Variants in ZDHHC13 observed in about 807,000 individuals in gnomAD.
The protein encoded by ZDHHC13 is palmitoyltransferase ZDHHC13.
In ZDHHC13, 85 loss-of-function variants were observed where a neutral mutation model predicts 86.0. That is an observed-to-expected ratio of 0.99 (90% CI 0.83 to 1.18). The LOEUF is 1.18. Among genes scored for constraint, ZDHHC13 ranks in the 50% most tolerant of loss-of-function variants. The pLI is 0.00. For synonymous variants in ZDHHC13, 263 were observed against 246.4 expected (o/e 1.07, Z -0.63); for missense variants, 711 against 730.2 (o/e 0.97, Z 0.30).
At chr11:19,123,769 A>G (rs1023378371) in intron 1 of ZDHHC13, among the ~76,000 whole-genome samples, 3 of 151,964 alleles carry the variant, frequency 2.0e-5, no homozygotes, top group South Asian at 2.1e-4. Context: ...ATGGAGAGCC[A>G]GTATACCTAA....
In ZDHHC13 at chr11:19,149,316, C is replaced by T; in HGVS notation, c.504C>T (p.Leu168=). Residue 168 remains leucine (L), a synonymous_variant, in exon 5 of 17, where the codon CTC becomes CTT. Transcript: ENST00000446113. The stretch of plus-strand genomic sequence containing the variant: ...AACACATGCCTATTATAGCATATCT[C>T]ATCTCAAAGGGACAGGTATGTTCTG... ...LFQHMPIIAY[L]ISKGQSVNMT... 1 of 1,598,920 alleles carries T rather than the reference C, an allele frequency of 6.3e-7. No individual in the cohort carries two copies. Among genetic ancestry groups the T allele is most frequent in the Non-Finnish European group, 8.5e-7 (1 of 1,171,372 alleles).
chr11:19,162,501 C>A lies in ZDHHC13; in HGVS notation c.1109-802C>A, dbSNP rs533092605. 8.5e-5 allele frequency among the ~76,000 whole-genome samples: 13 copies of A among 152,112 alleles called. No homozygotes were observed. In the East Asian group the frequency reaches 2.5e-3, roughly 29 times the overall value. ...TAATCGCAGTTAAGACTTGGATACC[C>A]TAAAAGTGTGGTTTTAGAAGAAAAT... On this transcript the variant is annotated intron_variant, in intron 10 of 16. Coordinates refer to ENST00000446113, the MANE Select transcript of ZDHHC13 (RefSeq NM_019028.3).
At chr11:19,138,266 C>G (rs1175004208) in intron 1 of ZDHHC13, among the ~76,000 whole-genome samples, 2 of 151,974 alleles carry the variant, frequency 1.3e-5, no homozygotes, top group African/African-American at 4.8e-5. Context: ...AAACTACCAT[C>G]AGAGAATACT....
chr11:19,130,655 C>A (rs1018070382), intron 1 of ZDHHC13, among the ~76,000 whole-genome samples: 2 of 152,068 alleles, frequency 1.3e-5, no homozygotes, highest in Non-Finnish European at 2.9e-5. Context: ...TTACTGTAGG[C>A]CCCCTTTTTT....
At chr11:19,129,985 G>C (rs1429068876) in intron 1 of ZDHHC13, among the ~76,000 whole-genome samples, 1 of 152,144 alleles carries the variant, frequency 6.6e-6, no homozygotes, top group Non-Finnish European at 1.5e-5. Flanking sequence ...CTGCTCGGGA[G>C]GCTGAGGCAG....
intron 1 of ZDHHC13, among the ~76,000 whole-genome samples, chr11:19,123,642 A>G (rs1401492002): frequency 6.6e-6 from 1 of 152,100 alleles, no homozygotes; most frequent in African/African-American, 2.4e-5. Context: ...GTAATACCCC[A>G]TCTCAAAAAC....
At chr11:19,145,210 G>A (rs1409960198) in intron 2 of ZDHHC13, among the ~76,000 whole-genome samples, 2 of 151,832 alleles carry the variant, frequency 1.3e-5, no homozygotes, top group African/African-American at 2.4e-5. Context: ...TCTTTTTAAT[G>A]CTATACTATT....
intron 1 of ZDHHC13, among the ~76,000 whole-genome samples, chr11:19,132,439 T>C (rs563841498): frequency 6.6e-6 from 1 of 152,322 alleles, no homozygotes; most frequent in African/African-American, 2.4e-5. Flanking sequence ...ACGTATAAAC[T>C]CCAGTAATTG....
In ZDHHC13 at chr11:19,172,797, G is replaced by T; in HGVS notation, c.1707G>T (p.Leu569Phe). 1 of 1,604,768 alleles carries T rather than the reference G, an allele frequency of 6.2e-7. No individual in the cohort carries two copies. Among genetic ancestry groups the T allele is most frequent in the Non-Finnish European group, 8.5e-7 (1 of 1,175,686 alleles). ...AGAGCAAGCATATGAAACAGACGTT[G>T]TCCCTCAGGAAGACACCATACAAGT... The part of the protein sequence containing the change: ...QKQSKHMKQT[L>F]SLRKTPYNLG... Residue 569 changes from leucine (L) to phenylalanine (F), a missense_variant, in exon 16 of 17, where the codon TTG becomes TTT. By Grantham distance (22) the Leu-to-Phe change is conservative (BLOSUM62 0). Transcript: ENST00000446113.
rs376600384 is a variant in ZDHHC13, at chr11:19,131,717, A to G, written c.28-11261A>G. On this transcript the variant is annotated intron_variant, in intron 1 of 16. Transcript: ENST00000446113. The stretch of plus-strand genomic sequence containing the variant: ...AGTGGTGTGATCTTGGCTCACTGCA[A>G]CTGCCTCCCAGGTTCAAGTGATTCT... Among the ~76,000 whole-genome samples, 158 of 151,986 alleles carry G rather than the reference A, an allele frequency of 1.0e-3. 3 individuals are homozygous for G. The South Asian group carries it at 0.03, about 29-fold the overall frequency.
chr11:19,156,637 A>G (rs1270335737), intron 9 of ZDHHC13, among the ~76,000 whole-genome samples: 2 of 152,088 alleles, frequency 1.3e-5, no homozygotes, highest in Admixed American at 1.3e-4. Context: ...TCTCAGTCAA[A>G]TGGCATCCAG....
intron 14 of ZDHHC13, chr11:19,167,985 T>A (rs1447829100): frequency 6.6e-6 from 1 of 152,140 alleles, no homozygotes; most frequent in Non-Finnish European, 1.5e-5. Flanking sequence ...AGTTAATTTT[T>A]AAATTTTTTG....
Position 19,152,810 on chromosome 11 carries a change from C to G in ZDHHC13, c.873+126C>G, listed in dbSNP as rs1178217472. 2.1e-6 allele frequency: 3 copies of G among 1,424,958 alleles called. No homozygotes were observed. In the East Asian group the frequency reaches 7.1e-5, roughly 33 times the overall value. 88.3% of individuals were successfully genotyped at this position (1,424,958 alleles called of 1,614,324 possible). A position where few individuals can be genotyped will look rare whatever the true frequency, so the allele number is the denominator to read the frequency against. On this transcript the variant is annotated intron_variant, in intron 8 of 16. Coordinates refer to ENST00000446113, the MANE Select transcript of ZDHHC13 (RefSeq NM_019028.3). ...GCTGCATTATATCTGCTGACTATATCTTTCCCCCGCATCCTATTACCCAAA... is the reference window on the plus strand; with the variant it reads ...GCTGCATTATATCTGCTGACTATATGTTTCCCCCGCATCCTATTACCCAAA...
intron 15 of ZDHHC13, 82 bp downstream of exon 15, chr11:19,170,650 G>A: frequency 3.0e-6 from 4 of 1,321,924 alleles, no homozygotes; most frequent in Non-Finnish European, 4.1e-6. Context: ...AAAATCAGAA[G>A]ATGCACATTC....
intron 1 of ZDHHC13, among the ~76,000 whole-genome samples, chr11:19,125,692 C>G (rs575008820): frequency 6.6e-6 from 1 of 152,188 alleles, no homozygotes; most frequent in African/African-American, 2.4e-5. Context: ...AAACAACCCA[C>G]GCAGACTGTT....
intron 1 of ZDHHC13, among the ~76,000 whole-genome samples, chr11:19,130,308 A>G (rs1346774440): frequency 1.3e-5 from 2 of 152,156 alleles, no homozygotes; most frequent in African/African-American, 2.4e-5. Context: ...AGGTGTTTGT[A>G]TATTTCACTT....
intron 11 of ZDHHC13, among the ~76,000 whole-genome samples, chr11:19,163,908 G>A (rs1849982254): frequency 6.6e-6 from 1 of 152,186 alleles, no homozygotes; most frequent in Non-Finnish European, 1.5e-5. Context: ...CCTAAAGCCA[G>A]TGTTCCTGAA....
At chr11:19,175,605 G>A (rs1850342787) in intron 16 of ZDHHC13, among the ~76,000 whole-genome samples, 1 of 152,024 alleles carries the variant, frequency 6.6e-6, no homozygotes, top group Non-Finnish European at 1.5e-5. Context: ...GGCTGAGCGA[G>A]CAGAAGCCAG....
chr11:19,162,836 G>A (rs1419727992), intron 10 of ZDHHC13, among the ~76,000 whole-genome samples: 3 of 152,102 alleles, frequency 2.0e-5, no homozygotes, highest in Non-Finnish European at 4.4e-5. Context: ...TTTCACAAAG[G>A]ATCTTGCCCT....
Sources: gnomAD v4.1 joint callset for allele counts (sites outside exome capture counted in the v4.1 genomes callset) on GRCh38, gnomAD v4.1.1 for gene constraint, MANE v1.5 for transcripts, NCBI Gene and HGNC (gene_info 2026-07-23, HGNC 2026-07-21) for gene names.